RANBP2: variants seen among roughly 807,000 people sequenced by gnomAD.
The protein encoded by RANBP2 is RAN binding protein 2.
RANBP2 carries 57 observed loss-of-function variants against 303.6 expected under a neutral mutation model. The observed-to-expected ratio is 0.19, with a 90% CI of 0.15 to 0.23. The LOEUF is 0.23. RANBP2 is among the 10% of genes least tolerant of loss of function. The probability of loss-of-function intolerance (pLI) is 1.00; values close to 1 mark genes in which losing one functional copy is unlikely to be tolerated. For missense variants in RANBP2, 3,138 were observed against 3,780.8 expected, an observed-to-expected ratio of 0.83 and a Z score of 4.46; for synonymous variants, 1,167 against 1,301.5, an observed-to-expected ratio of 0.90 and a Z score of 2.23.
the RANBP2 span, among the ~76,000 whole-genome samples, chr2:109,423,270 GT>G: frequency 1.3e-5 from 2 of 152,142 alleles, no homozygotes; most frequent in African/African-American, 2.4e-5. Flanking sequence ...CCCTGCTGAG[GT>G]GCAGACCAGG....
chr2:109,633,762 C>T, the RANBP2 span, among the ~76,000 whole-genome samples: 8 of 152,250 alleles, frequency 5.3e-5, no homozygotes, highest in South Asian at 4.2e-4. Flanking sequence ...AATGATTTAG[C>T]GTTGAAATGA....
At chr2:109,455,782 C>T in the RANBP2 span, among the ~76,000 whole-genome samples, 1 of 152,334 alleles carries the variant, frequency 6.6e-6, no homozygotes, top group African/African-American at 2.4e-5. Context: ...TGCCAGCGCT[C>T]ATCCCAGCTT....
chr2:109,170,538 G>T, the RANBP2 span, among the ~76,000 whole-genome samples: 2 of 151,972 alleles, frequency 1.3e-5, no homozygotes, highest in East Asian at 3.9e-4. Context: ...TAGAGATGGG[G>T]TTTCACTATG....
At chr2:109,677,348 G>C in the RANBP2 span, among the ~76,000 whole-genome samples, 5 of 152,156 alleles carry the variant, frequency 3.3e-5, no homozygotes, top group Non-Finnish European at 7.3e-5. Flanking sequence ...GGGGGCAGGG[G>C]GCTTGTGTTC....
chr2:109,097,960 A>C, the RANBP2 span, among the ~76,000 whole-genome samples: 1 of 152,074 alleles, frequency 6.6e-6, no homozygotes, highest in Non-Finnish European at 1.5e-5. Flanking sequence ...GTAGGGCTTC[A>C]CCAGTACCAT....
chr2:108,768,633 GAAC>G (rs1474942452), intron 20 of RANBP2, among the ~76,000 whole-genome samples: 24 of 152,276 alleles, frequency 1.6e-4, no homozygotes, highest in African/African-American at 5.1e-4. Context: ...CAGAGCAAAA[GAAC>G]TCGGTACGGT....
the RANBP2 span, among the ~76,000 whole-genome samples, chr2:109,097,919 G>A: frequency 6.6e-6 from 1 of 152,114 alleles, no homozygotes; most frequent in Non-Finnish European, 1.5e-5. Context: ...CACGGATGGA[G>A]GACTTTTTCC....
At chr2:109,404,734 T>C in the RANBP2 span, among the ~76,000 whole-genome samples, 1 of 152,130 alleles carries the variant, frequency 6.6e-6, no homozygotes, top group Non-Finnish European at 1.5e-5. Context: ...ATTGACCTAC[T>C]GCTTCCTCTT....
chr2:108,788,209 A>G (rs1679248032), downstream of RANBP2: 2 of 946,070 alleles, frequency 2.1e-6, no homozygotes. Context: ...ACCTGAGGTC[A>G]GGAGTTCGAG....
the RANBP2 span, among the ~76,000 whole-genome samples, chr2:109,677,734 G>A: frequency 6.6e-6 from 1 of 152,098 alleles, no homozygotes; most frequent in Non-Finnish European, 1.5e-5. Context: ...CCAAATTGTC[G>A]TGCTCCAGAA....
chr2:108,840,747 A>T, the RANBP2 span, among the ~76,000 whole-genome samples: 1 of 150,278 alleles, frequency 6.7e-6, no homozygotes, highest in East Asian at 2.0e-4. Flanking sequence ...CTGTTTCTCC[A>T]TTTTATTGAT....
At chr2:109,062,244 A>C in the RANBP2 span, among the ~76,000 whole-genome samples, 1 of 152,204 alleles carries the variant, frequency 6.6e-6, no homozygotes, top group Non-Finnish European at 1.5e-5. Flanking sequence ...TGCAGGTGAG[A>C]TAAGGAAACA....
the RANBP2 span, chr2:109,614,900 A>T: frequency 3.5e-6 from 5 of 1,441,468 alleles, no homozygotes; most frequent in Non-Finnish European, 4.5e-6. Context: ...TGGGCGAGGG[A>T]GAGCCCCCCG....
chr2:109,458,028 G>T, the RANBP2 span, among the ~76,000 whole-genome samples: 1 of 152,098 alleles, frequency 6.6e-6, no homozygotes, highest in Non-Finnish European at 1.5e-5. Context: ...GTTTTATTTT[G>T]TTTTTTCAGG....
chr2:109,593,429 G>A, the RANBP2 span, among the ~76,000 whole-genome samples: 14 of 50,908 alleles, frequency 2.8e-4, no homozygotes, highest in African/African-American at 5.2e-4. Context: ...TTTTTGAGAC[G>A]GCATCTTGCT....
chr2:109,165,712 G>A, the RANBP2 span, among the ~76,000 whole-genome samples: 1,013 of 152,282 alleles, frequency 6.7e-3, 11 homozygotes, highest in African/African-American at 0.023. Flanking sequence ...ATGGACGAGT[G>A]GGGAGGCTTT....
At chr2:109,512,816 C>T in the RANBP2 span, among the ~76,000 whole-genome samples, 3 of 152,036 alleles carry the variant, frequency 2.0e-5, no homozygotes, top group African/African-American at 7.2e-5. Context: ...ATGACTCTGA[C>T]CCTGACCCCT....
At chr2:109,132,871 G>C in the RANBP2 span, among the ~76,000 whole-genome samples, 4 of 152,182 alleles carry the variant, frequency 2.6e-5, no homozygotes, top group Admixed American at 1.3e-4. Context: ...AGAGTTTTGT[G>C]GTTCCACATT....
At chr2:108,953,962 T>G in the RANBP2 span, among the ~76,000 whole-genome samples, 2 of 152,166 alleles carry the variant, frequency 1.3e-5, no homozygotes, top group Admixed American at 1.3e-4. Flanking sequence ...ATTACCAAGA[T>G]CCTAAAACTT....
Sources: allele counts gnomAD v4.1 joint callset (sites outside exome capture counted in the v4.1 genomes callset), GRCh38; gene constraint gnomAD v4.1.1; transcripts MANE v1.5; gene names NCBI Gene and HGNC (gene_info 2026-07-23, HGNC 2026-07-21).